PPP1R14C: variants seen among roughly 807,000 people sequenced by gnomAD.
PPP1R14C encodes the protein protein phosphatase 1 regulatory subunit 14C.
PPP1R14C carries 16 observed loss-of-function variants against 20.4 expected under a neutral mutation model. The observed-to-expected ratio is 0.78, with a 90% CI of 0.53 to 1.19. The LOEUF is 1.19. Among genes scored for constraint, PPP1R14C ranks in the 50% most tolerant of loss-of-function variants. PPP1R14C has a pLI of 0.00. For synonymous variants in PPP1R14C, 91 were observed against 91.0 expected (o/e 1.00, Z 0.00); for missense variants, 211 against 220.1 (o/e 0.96, Z 0.26).
chr6:150,240,752 T>A (rs1778422880), intron 3 of PPP1R14C, among the ~76,000 whole-genome samples: 1 of 152,166 alleles, frequency 6.6e-6, no homozygotes, highest in Non-Finnish European at 1.5e-5. Context: ...AAGTTAGGGT[T>A]TTCCTTTTGA....
At chr6:150,152,672 C>T (rs9479777) in intron 1 of PPP1R14C, among the ~76,000 whole-genome samples, 105 of 152,230 alleles carry the variant, frequency 6.9e-4, no homozygotes, top group African/African-American at 2.5e-3. Flanking sequence ...CTTCTCTGAT[C>T]CATCTCCTGC....
chr6:150,168,561 C>CAAAACAAAACAAAACAAAACA (rs1562260100), intron 1 of PPP1R14C, among the ~76,000 whole-genome samples: 1 of 151,832 alleles, frequency 6.6e-6, no homozygotes, highest in Non-Finnish European at 1.5e-5. Context: ...CAAAACAAAA[C>CAAAACAAAACAAAACAAAACA]AAAAAAACCC....
intron 3 of PPP1R14C, among the ~76,000 whole-genome samples, chr6:150,234,639 G>A (rs1324672672): frequency 6.6e-6 from 1 of 151,742 alleles, no homozygotes; most frequent in Non-Finnish European, 1.5e-5. Context: ...ACTTTAGGTC[G>A]GGAGTTTGAG....
At chr6:150,164,201 T>G (rs2114862325) in intron 1 of PPP1R14C, among the ~76,000 whole-genome samples, 1 of 152,352 alleles carries the variant, frequency 6.6e-6, no homozygotes, top group Non-Finnish European at 1.5e-5. Flanking sequence ...TCAATTCTTT[T>G]GCCCATTTCA....
At chr6:150,248,286 A>T (rs1778518136) in intron 3 of PPP1R14C, among the ~76,000 whole-genome samples, 1 of 152,134 alleles carries the variant, frequency 6.6e-6, no homozygotes, top group South Asian at 2.1e-4. Context: ...TGCACACTCA[A>T]ATTTGAGGCA....
chr6:150,145,554 G>C (rs1476954960), intron 1 of PPP1R14C, among the ~76,000 whole-genome samples: 8 of 152,146 alleles, frequency 5.3e-5, no homozygotes, highest in Non-Finnish European at 8.8e-5. Flanking sequence ...CCAAATAAAG[G>C]CTTGTCTCTT....
chr6:150,247,891 T>C (rs893729144), intron 3 of PPP1R14C, among the ~76,000 whole-genome samples: 4 of 152,216 alleles, frequency 2.6e-5, no homozygotes, highest in Non-Finnish European at 5.9e-5. Flanking sequence ...CCTGTCTTAG[T>C]AGTCAATTTT....
intron 1 of PPP1R14C, among the ~76,000 whole-genome samples, chr6:150,174,039 A>G (rs1332131773): frequency 1.2e-5 from 1 of 86,036 alleles, no homozygotes; most frequent in Non-Finnish European, 2.1e-5. Flanking sequence ...GAGATTTGTT[A>G]AGGTATTATT....
chr6:150,214,404 T>C (rs1778064482), intron 1 of PPP1R14C, among the ~76,000 whole-genome samples: 1 of 152,194 alleles, frequency 6.6e-6, no homozygotes, highest in Non-Finnish European at 1.5e-5. Context: ...ATTACTTTTA[T>C]GGCTTTGTGA....
chr6:150,202,287 C>A (rs1777888065), intron 1 of PPP1R14C, among the ~76,000 whole-genome samples: 2 of 152,200 alleles, frequency 1.3e-5, no homozygotes, highest in Non-Finnish European at 2.9e-5. Flanking sequence ...CCCTGTACCC[C>A]CACTCTGTCA....
chr6:150,210,727 C>T (rs989853282), intron 1 of PPP1R14C, among the ~76,000 whole-genome samples: 94 of 152,134 alleles, frequency 6.2e-4, no homozygotes, highest in African/African-American at 2.2e-3. Context: ...TTCCTGAAAA[C>T]GTAGAAAATC....
intron 1 of PPP1R14C, among the ~76,000 whole-genome samples, chr6:150,213,101 G>A (rs1043110106): frequency 2.6e-5 from 4 of 152,114 alleles, no homozygotes; most frequent in African/African-American, 4.8e-5. Flanking sequence ...AGGCAGAACC[G>A]CACAGATGAG....
At chr6:150,237,653 C>T (rs943694952) in intron 3 of PPP1R14C, among the ~76,000 whole-genome samples, 1 of 152,172 alleles carries the variant, frequency 6.6e-6, no homozygotes. Flanking sequence ...TACAGTAATT[C>T]ATCTCATCAT....
intron 1 of PPP1R14C, among the ~76,000 whole-genome samples, chr6:150,181,176 GT>G (rs1269475063): frequency 2.6e-5 from 4 of 152,106 alleles, no homozygotes; most frequent in Non-Finnish European, 5.9e-5. Flanking sequence ...TCTATGAGGT[GT>G]TCTTGGTAAG....
At chr6:150,150,281 C>T (rs1777230316) in intron 1 of PPP1R14C, among the ~76,000 whole-genome samples, 1 of 152,118 alleles carries the variant, frequency 6.6e-6, no homozygotes, top group Non-Finnish European at 1.5e-5. Flanking sequence ...TTGCTCCAAA[C>T]AGGAACTGAA....
rs532245395 is a variant in PPP1R14C at position 150,208,260 on chromosome 6, T to TA, written c.307-6484_307-6483insA. On this transcript the variant is annotated intron_variant, in intron 1 of 3. Transcript: ENST00000361131. Reference sequence around the variant, plus strand: ...GGGTGGAAATGGTTTCCTCTCGGGTTTCTGGAATATTTGCTGTTGGCTTCC... The same window carrying TA: ...GGGTGGAAATGGTTTCCTCTCGGGTTATCTGGAATATTTGCTGTTGGCTTCC... 2.7e-3 allele frequency among the ~76,000 whole-genome samples: 413 copies of TA among 151,668 alleles called. 3 individuals are homozygous for TA. Among genetic ancestry groups the TA allele is most frequent in the African/African-American group, 9.5e-3 (392 of 41,382 alleles).
chr6:150,219,062 C>A (rs1335530423), intron 3 of PPP1R14C, among the ~76,000 whole-genome samples: 1 of 151,644 alleles, frequency 6.6e-6, no homozygotes, highest in Non-Finnish European at 1.5e-5. Context: ...TTCATCTATA[C>A]CCTCATCAGT....
At chr6:150,173,459 T>A (rs1245144408) in intron 1 of PPP1R14C, among the ~76,000 whole-genome samples, 2 of 152,134 alleles carry the variant, frequency 1.3e-5, no homozygotes. Context: ...TACATGCTGC[T>A]CGGAGAGGCC....
chr6:150,163,755 T>C (rs1402275306), intron 1 of PPP1R14C, among the ~76,000 whole-genome samples: 1 of 152,224 alleles, frequency 6.6e-6, no homozygotes, highest in Non-Finnish European at 1.5e-5. Context: ...TACACCACAG[T>C]TGTTTTTTTA....
Sources: allele counts gnomAD v4.1 joint callset (sites outside exome capture counted in the v4.1 genomes callset), GRCh38; gene constraint gnomAD v4.1.1; transcripts MANE v1.5; gene names NCBI Gene and HGNC (gene_info 2026-07-23, HGNC 2026-07-21).